BEND6: variants seen among roughly 807,000 people sequenced by gnomAD.
The protein encoded by BEND6 is BEN domain containing 6.
A neutral mutation model predicts 31.8 loss-of-function variants in BEND6; 24 were observed. That is an observed-to-expected ratio of 0.75 (90% CI 0.55 to 1.06). The LOEUF (loss-of-function observed/expected upper bound fraction) is 1.06, where lower values mean the gene tolerates loss of function less well. Among genes scored for constraint, BEND6 ranks in the 50% least tolerant of loss-of-function variants. The probability of loss-of-function intolerance (pLI) is 0.00; values close to 1 mark genes in which losing one functional copy is unlikely to be tolerated. For synonymous variants in BEND6, 109 were observed against 114.6 expected, an observed-to-expected ratio of 0.95 and a Z score of 0.31; for missense variants, 294 against 327.4, an observed-to-expected ratio of 0.90 and a Z score of 0.79.
At position 56,988,178 on chromosome 6, in the gene BEND6, G is replaced by T. The variant is rs901376091; in HGVS notation, c.121-4200G>T. ...ACTACAGGTGCATGCCATCAGGCCCGGCTAATTTTTTGTATTTTTAGTTGA... is the reference window on the plus strand; with the variant it reads ...ACTACAGGTGCATGCCATCAGGCCCTGCTAATTTTTTGTATTTTTAGTTGA... On this transcript the variant is annotated intron_variant, in intron 2 of 6. Transcript: ENST00000370746. Among the ~76,000 whole-genome samples the T allele has an allele frequency of 4.6e-5, 7 of 151,862 alleles. No individual in the cohort carries two copies. In the East Asian group the frequency reaches 1.4e-3, roughly 29 times the overall value.
At chr6:56,985,849 A>G (rs1592991098) in intron 2 of BEND6, among the ~76,000 whole-genome samples, 1 of 152,176 alleles carries the variant, frequency 6.6e-6, no homozygotes, top group East Asian at 1.9e-4. Context: ...CTAATACCTT[A>G]TCTATTGTAG....
chr6:57,009,799 G>A (rs911404045), intron 3 of BEND6: 1 of 152,146 alleles, frequency 6.6e-6, no homozygotes, highest in Non-Finnish European at 1.5e-5. Flanking sequence ...TAATGCATGA[G>A]TTCACAGTGG....
rs955606459 is a variant in BEND6 at position 57,026,108 on chromosome 6, C to T, written c.*36C>T. On this transcript the variant is annotated 3_prime_UTR_variant, in exon 7 of 7. Transcript: ENST00000370746. ...TATTACAGGTATCTGAAACAAAGCA[C>T]CTTCAATTCTAAATCTAGCACTGGA... The T allele has an allele frequency of 6.6e-6, 1 of 152,072 alleles. No individual in the cohort carries two copies. The highest frequency in any genetic ancestry group is 2.4e-5 in the African/African-American group (1 of 41,388). The allele number at this position is 152,072 out of a possible 1,614,324, so 9.4% of individuals were successfully genotyped here.
At chr6:56,984,065 T>A (rs1366779032) in intron 2 of BEND6, among the ~76,000 whole-genome samples, 2 of 151,866 alleles carry the variant, frequency 1.3e-5, no homozygotes, top group South Asian at 2.1e-4. Context: ...CCAAAAAAAA[T>A]TTAAAATTAA....
At chr6:56,969,256 C>G (rs1239669220) in intron 1 of BEND6, among the ~76,000 whole-genome samples, 4 of 151,940 alleles carry the variant, frequency 2.6e-5, no homozygotes, top group Non-Finnish European at 4.4e-5. Context: ...CAGAATGCAC[C>G]CAATCATTTA....
At chr6:56,982,999 A>G (rs1826125444) in intron 2 of BEND6, among the ~76,000 whole-genome samples, 1 of 152,000 alleles carries the variant, frequency 6.6e-6, no homozygotes, top group Admixed American at 6.6e-5. Context: ...ACCATCCTTT[A>G]TTTAACTGGT....
intron 3 of BEND6, chr6:57,008,624 G>A (rs6904172): frequency 0.23 from 36,884 of 161,058 alleles, 4,377 homozygotes; most frequent in African/African-American, 0.26. Flanking sequence ...ATATTTCTCA[G>A]TAAGACATAC....
chr6:57,011,232 T>G (rs556086876), intron 3 of BEND6, among the ~76,000 whole-genome samples: 1 of 152,322 alleles, frequency 6.6e-6, no homozygotes, highest in South Asian at 2.1e-4. Context: ...GGTGGCACAG[T>G]GAAATGGCCA....
At position 56,992,384 on chromosome 6, in the gene BEND6, C is replaced by G; in HGVS notation, c.127C>G (p.Pro43Ala). The change falls in exon 3 of 7, where the codon CCA (proline) becomes GCA (alanine). Residue 43 changes from proline to alanine, a missense_variant. Coordinates refer to ENST00000370746, the MANE Select transcript of BEND6 (RefSeq NM_152731.3). Reference protein sequence around the residue: ...NSDMDKGQRDPYSGNAFLPGE... With the variant: ...NSDMDKGQRDAYSGNAFLPGE... ...TGCCTGCCTTCTATTTTAGAGAGAC[C>G]CATATTCGGGAAATGCCTTTCTGCC... 1 of 1,606,154 alleles carries G rather than the reference C, an allele frequency of 6.2e-7. No homozygotes were observed.
chr6:56,988,561 CTT>C (rs1826373652), intron 2 of BEND6, among the ~76,000 whole-genome samples: 1 of 152,156 alleles, frequency 6.6e-6, no homozygotes, highest in Non-Finnish European at 1.5e-5. Flanking sequence ...CTCATGTCAA[CTT>C]TTATTTTTTA....
At chr6:57,015,394 T>C in intron 4 of BEND6, 41 bp downstream of exon 4, 1 of 1,515,072 alleles carries the variant, frequency 6.6e-7, no homozygotes, top group Non-Finnish European at 9.0e-7. Flanking sequence ...TGGAATATGC[T>C]TAAATAAAAA....
At chr6:57,007,695 T>A (rs533407657) in intron 3 of BEND6, among the ~76,000 whole-genome samples, 11 of 152,016 alleles carry the variant, frequency 7.2e-5, no homozygotes, top group Non-Finnish European at 1.3e-4. Flanking sequence ...CTCGGGAGGC[T>A]GAGGCGGGAA....
rs1554289990 is a variant in BEND6 at position 57,011,729 on chromosome 6, A to AAG, written c.299-3403_299-3402insGA. 2.7e-5 allele frequency among the ~76,000 whole-genome samples: 4 copies of AAG among 147,964 alleles called. No homozygotes were observed. In the East Asian group the frequency reaches 7.8e-4, roughly 29 times the overall value. Reference sequence around the variant, plus strand: ...GGGCCCTGTCTCAAAAAAAAAAAAAAAAAAAAGAAAAAAAAAGAAAAGAAA... The same window carrying AAG: ...GGGCCCTGTCTCAAAAAAAAAAAAAAAGAAAAAAGAAAAAAAAAGAAAAGAAA... On this transcript the variant is annotated intron_variant, in intron 3 of 6. Transcript: ENST00000370746.
chr6:56,967,824 G>C (rs1592969745), intron 1 of BEND6, among the ~76,000 whole-genome samples: 1 of 152,280 alleles, frequency 6.6e-6, no homozygotes, highest in Admixed American at 6.5e-5. Flanking sequence ...GCTAAGTTCT[G>C]GCTTGAGCGT....
chr6:57,000,112 G>A lies in BEND6; in HGVS notation c.298+7557G>A, dbSNP rs575287060. Among the ~76,000 whole-genome samples, 457 of 152,216 alleles carry A rather than the reference G, an allele frequency of 3.0e-3. 2 individuals are homozygous for A. Among genetic ancestry groups the A allele is most frequent in the African/African-American group, 9.8e-3 (408 of 41,522 alleles). On this transcript the variant is annotated intron_variant, in intron 3 of 6. Coordinates refer to ENST00000370746, the MANE Select transcript of BEND6 (RefSeq NM_152731.3). ...CAAAGAGACAGCGACCATCGAGAAC[G>A]GGCCATGATGATGATGGCGGTTTTG...
At position 57,015,277 on chromosome 6, in the gene BEND6, G is replaced by T. The variant is rs769023053; in HGVS notation, c.443G>T (p.Cys148Phe). The T allele has an allele frequency of 4.3e-6, 7 of 1,614,022 alleles. No individual in the cohort carries two copies. In the African/African-American group the frequency reaches 9.3e-5, roughly 22 times the overall value. Residue 148 changes from cysteine to phenylalanine, a missense_variant, in exon 4 of 7, where the codon TGC becomes TTC. Cys to Phe is a radical substitution (Grantham distance 205). Transcript: ENST00000370746. ...TCGCCAGATTCATTTGCCTCAACAT[G>T]CAGTAATTCTAATTCTAACTCCAGT... Reference protein sequence around the residue: ...NSSPDSFASTCSNSNSNSSSP... With the variant: ...NSSPDSFASTFSNSNSNSSSP...
chr6:57,013,743 G>A (rs1827429795), intron 3 of BEND6: 1 of 152,310 alleles, frequency 6.6e-6, no homozygotes, highest in Non-Finnish European at 1.5e-5. Context: ...TCTTTGAGCA[G>A]GGCAAAATTC....
At position 56,979,391 on chromosome 6, in the gene BEND6, T is replaced by G. The variant is rs914186882; in HGVS notation, c.-100-2320T>G. On this transcript the variant is annotated intron_variant, in intron 1 of 6. Coordinates refer to ENST00000370746, the MANE Select transcript of BEND6 (RefSeq NM_152731.3). ...CATTGAATTGTACACTTTAAATGGA[T>G]GTACACACTTTTAAATGGTTAAAAC... Among the ~76,000 whole-genome samples, 10 of 152,328 alleles carry G rather than the reference T, an allele frequency of 6.6e-5. No homozygotes were observed. In the East Asian group the frequency reaches 1.9e-3, roughly 29 times the overall value.
rs750602701 is a variant in BEND6, at chr6:57,017,335, C to G, written c.648C>G (p.Ser216=). Residue 216 remains serine, a synonymous_variant, in exon 5 of 7, where the codon TCC becomes TCG. Transcript: ENST00000370746. ...CTCACAGCCTGACAGGGGCAAAATC[C>G]TCTACTTCAAGGGACAAAGCTGTAA... The part of the protein sequence containing the change: ...MATHSLTGAK[S]STSRDKAVKP... 10 of 1,448,294 alleles carry G rather than the reference C, an allele frequency of 6.9e-6. No homozygotes were observed. Among genetic ancestry groups the G allele is most frequent in the Non-Finnish European group, 9.1e-6 (10 of 1,096,256 alleles). The allele number at this position is 1,448,294 out of a possible 1,614,324, so 89.7% of individuals were successfully genotyped here.
Sources: gnomAD v4.1 joint callset for allele counts (sites outside exome capture counted in the v4.1 genomes callset) on GRCh38, gnomAD v4.1.1 for gene constraint, MANE v1.5 for transcripts, NCBI Gene and HGNC (gene_info 2026-07-23, HGNC 2026-07-21) for gene names.